CTNNA3: variants seen among roughly 807,000 people sequenced by gnomAD.
CTNNA3 encodes catenin alpha-3.
A neutral mutation model predicts 95.7 loss-of-function variants in CTNNA3; 76 were observed. That is an observed-to-expected ratio of 0.79 (90% confidence interval 0.66 to 0.96). The LOEUF (loss-of-function observed/expected upper bound fraction) is 0.96. Ranked by LOEUF, CTNNA3 falls within the 40% of genes least tolerant of loss-of-function variation. The pLI, the probability that CTNNA3 is intolerant of heterozygous loss-of-function variation, is 0.00. For missense variants in CTNNA3, 1,191 were observed against 1,089.8 expected (o/e 1.09, Z -1.31); for synonymous variants, 431 against 374.4 (o/e 1.15, Z -1.74).
chr10:65,929,079 T>C (rs1040513138), intron 17 of CTNNA3, among the ~76,000 whole-genome samples: 3 of 142,762 alleles, frequency 2.1e-5, no homozygotes, highest in Non-Finnish European at 3.0e-5. Flanking sequence ...CCTGTGTCCA[T>C]GTGTTCTCAT....
At chr10:67,176,642 ATT>A (rs1862255764) in intron 7 of CTNNA3, among the ~76,000 whole-genome samples, 1 of 152,216 alleles carries the variant, frequency 6.6e-6, no homozygotes, top group South Asian at 2.1e-4. Flanking sequence ...GGCAAGAGGG[ATT>A]TTGCAGATGT....
chr10:66,579,622 T>C (rs1249475801), intron 10 of CTNNA3, among the ~76,000 whole-genome samples: 1 of 151,854 alleles, frequency 6.6e-6, no homozygotes, highest in Non-Finnish European at 1.5e-5. Flanking sequence ...GTTTTTGCAT[T>C]GTTGATACTT....
intron 5 of CTNNA3, among the ~76,000 whole-genome samples, chr10:67,263,539 C>T (rs1866700388): frequency 6.6e-6 from 1 of 152,120 alleles, no homozygotes; most frequent in Admixed American, 6.6e-5. Flanking sequence ...AAAGGAAAAA[C>T]AACTCATCCC....
chr10:66,264,171 A>T (rs1319660256), intron 13 of CTNNA3, among the ~76,000 whole-genome samples: 1 of 151,986 alleles, frequency 6.6e-6, no homozygotes, highest in Non-Finnish European at 1.5e-5. Context: ...GAGCAAATTC[A>T]ATATCTAAAG....
At chr10:67,373,728 G>A (rs948731826) in intron 5 of CTNNA3, among the ~76,000 whole-genome samples, 3 of 152,156 alleles carry the variant, frequency 2.0e-5, no homozygotes, top group African/African-American at 7.2e-5. Context: ...GGGGTAATAA[G>A]AATCTATATT....
rs868773073 is a variant in CTNNA3 at position 66,147,620 on chromosome 10, T to G, written c.1885-44371A>C. Among the ~76,000 whole-genome samples the G allele has an allele frequency of 2.4e-3, 358 of 150,010 alleles. 1 individual carries two copies. Among genetic ancestry groups the G allele is most frequent in the African/African-American group, 8.3e-3 (341 of 40,904 alleles). ...CAGGTTGCTTTCAGTTTTTTTTTTT[T>G]TTTTTTTTTTGTCGTTGTTGCGCCA... On this transcript the variant is annotated intron_variant, in intron 13 of 17. Coordinates refer to ENST00000433211, the MANE Select transcript of CTNNA3 (RefSeq NM_013266.4).
intron 13 of CTNNA3, among the ~76,000 whole-genome samples, chr10:66,147,384 C>T (rs565869861): frequency 6.6e-6 from 1 of 152,134 alleles, no homozygotes; most frequent in African/African-American, 2.4e-5. Flanking sequence ...TAATATTTTA[C>T]CACTTGTCCT....
intron 5 of CTNNA3, among the ~76,000 whole-genome samples, chr10:67,470,517 T>A (rs1394758068): frequency 1.3e-5 from 2 of 152,156 alleles, no homozygotes; most frequent in African/African-American, 4.8e-5. Flanking sequence ...ACTGAGTTTA[T>A]TTTTTTAAAG....
At chr10:67,445,873 C>T (rs1278669033) in intron 5 of CTNNA3, among the ~76,000 whole-genome samples, 3 of 152,174 alleles carry the variant, frequency 2.0e-5, no homozygotes, top group African/African-American at 7.2e-5. Flanking sequence ...CCCATTTACT[C>T]ATCTATCTCA....
chr10:67,544,935 C>T (rs1030000108), intron 3 of CTNNA3, among the ~76,000 whole-genome samples: 1 of 152,072 alleles, frequency 6.6e-6, no homozygotes, highest in Non-Finnish European at 1.5e-5. Context: ...AGCAGACTAG[C>T]ATAATGATTT....
At chr10:67,270,871 G>T (rs140166734) in intron 5 of CTNNA3, among the ~76,000 whole-genome samples, 54 of 152,164 alleles carry the variant, frequency 3.5e-4, no homozygotes, top group African/African-American at 1.3e-3. Context: ...TCCCCACATG[G>T]TAATTACTGT....
intron 14 of CTNNA3, among the ~76,000 whole-genome samples, chr10:66,079,660 T>G (rs1223928790): frequency 6.6e-6 from 1 of 151,950 alleles, no homozygotes; most frequent in Non-Finnish European, 1.5e-5. Flanking sequence ...GAATTCTAAA[T>G]ATGGCATTTG....
chr10:66,112,931 A>G (rs758977752), intron 13 of CTNNA3, among the ~76,000 whole-genome samples: 10 of 152,176 alleles, frequency 6.6e-5, no homozygotes, highest in Non-Finnish European at 1.5e-4. Context: ...CGAAATAAAC[A>G]TGGGAGTCCA....
At chr10:66,258,439 T>C (rs1344067235) in intron 13 of CTNNA3, among the ~76,000 whole-genome samples, 1 of 152,172 alleles carries the variant, frequency 6.6e-6, no homozygotes, top group African/African-American at 2.4e-5. Context: ...TTCCTTCCTT[T>C]GGATTAAAAG....
chr10:67,077,652 C>T (rs1028750455), intron 7 of CTNNA3, among the ~76,000 whole-genome samples: 1 of 152,106 alleles, frequency 6.6e-6, no homozygotes, highest in African/African-American at 2.4e-5. Flanking sequence ...CTGTATTTTT[C>T]CTCTGTAACC....
chr10:66,646,666 A>G (rs908640582), intron 9 of CTNNA3, among the ~76,000 whole-genome samples: 1 of 152,190 alleles, frequency 6.6e-6, no homozygotes, highest in Non-Finnish European at 1.5e-5. Context: ...AGACTCCACA[A>G]TTAGAACCAA....
At chr10:66,500,678 T>C (rs910729779) in intron 11 of CTNNA3, among the ~76,000 whole-genome samples, 5 of 152,150 alleles carry the variant, frequency 3.3e-5, no homozygotes, top group Non-Finnish European at 5.9e-5. Context: ...GGCATGGGAA[T>C]TTAATGTTGC....
At chr10:67,245,390 A>G (rs1865866311) in intron 5 of CTNNA3, among the ~76,000 whole-genome samples, 2 of 152,152 alleles carry the variant, frequency 1.3e-5, no homozygotes, top group South Asian at 4.2e-4. Context: ...TTTATTTATC[A>G]TGTTTGTTTT....
intron 11 of CTNNA3, among the ~76,000 whole-genome samples, chr10:66,445,177 C>G (rs1589260774): frequency 1.4e-5 from 2 of 144,032 alleles, no homozygotes; most frequent in Non-Finnish European, 3.0e-5. Context: ...TAAAGCAAGT[C>G]CTTAGTGACC....
Sources: allele counts gnomAD v4.1 joint callset (sites outside exome capture counted in the v4.1 genomes callset), GRCh38; gene constraint gnomAD v4.1.1; transcripts MANE v1.5; gene names NCBI Gene and HGNC (gene_info 2026-07-23, HGNC 2026-07-21).